The following MSRA variants were observed in gnomAD, a reference collection of about 807,000 sequenced individuals.
MSRA encodes the protein mitochondrial peptide methionine sulfoxide reductase.
A neutral mutation model predicts 31.3 loss-of-function variants in MSRA; 54 were observed. That is an observed-to-expected ratio of 1.73 (90% CI 1.39 to 2.17). MSRA has a LOEUF of 2.17. MSRA is among the 30% of genes most tolerant of loss of function. MSRA has a pLI of 0.00. For synonymous variants in MSRA, 169 were observed against 116.5 expected (o/e 1.45, Z -2.90); for missense variants, 507 against 300.9 (o/e 1.69, Z -5.07).
chr8:10,400,040 A>G (rs988553037), intron 5 of MSRA, among the ~76,000 whole-genome samples: 10 of 152,136 alleles, frequency 6.6e-5, no homozygotes, highest in African/African-American at 2.4e-4. Context: ...TTGTTTAGGG[A>G]CTAGCAGCCA....
chr8:10,228,595 G>A (rs904926183), intron 2 of MSRA, among the ~76,000 whole-genome samples: 5 of 152,200 alleles, frequency 3.3e-5, no homozygotes, highest in African/African-American at 7.2e-5. Flanking sequence ...ATCCGTAGTG[G>A]TCCACAGAGA....
At chr8:10,354,723 AGTTATGTAATATG>A (rs1804402296) in intron 5 of MSRA, among the ~76,000 whole-genome samples, 2 of 142,282 alleles carry the variant, frequency 1.4e-5, no homozygotes, top group East Asian at 4.1e-4. Context: ...TTTTCATACC[AGTTATGTAATATG>A]TGTGTGTGTG....
intron 1 of MSRA, among the ~76,000 whole-genome samples, chr8:10,158,213 A>G (rs1392148541): frequency 1.3e-5 from 2 of 152,248 alleles, no homozygotes; most frequent in Non-Finnish European, 2.9e-5. Context: ...CATTGTGAGG[A>G]AAGATGTCAA....
At chr8:10,263,996 T>A (rs75300332) in intron 3 of MSRA, among the ~76,000 whole-genome samples, 1 of 151,090 alleles carries the variant, frequency 6.6e-6, no homozygotes, top group Non-Finnish European at 1.5e-5. Flanking sequence ...CTTAAAAATA[T>A]TTTTTTTCAC....
chr8:10,266,757 A>G (rs1442267937), intron 3 of MSRA, among the ~76,000 whole-genome samples: 1 of 152,188 alleles, frequency 6.6e-6, no homozygotes, highest in East Asian at 1.9e-4. Context: ...ATATAGTGCA[A>G]GTCATTTGAC....
intron 5 of MSRA, among the ~76,000 whole-genome samples, chr8:10,408,372 AC>A (rs1169760950): frequency 6.6e-6 from 1 of 152,042 alleles, no homozygotes; most frequent in Non-Finnish European, 1.5e-5. Flanking sequence ...CCCTGTCTCT[AC>A]CAAAATTTTT....
intron 1 of MSRA, among the ~76,000 whole-genome samples, chr8:10,084,200 A>G (rs746187981): frequency 2.8e-4 from 42 of 152,256 alleles, no homozygotes; most frequent in African/African-American, 6.3e-4. Flanking sequence ...CCTCCTGAGG[A>G]TGGTGGTTTT....
intron 1 of MSRA, among the ~76,000 whole-genome samples, chr8:10,163,766 G>A (rs1249961664): frequency 1.3e-5 from 2 of 152,246 alleles, no homozygotes; most frequent in African/African-American, 4.8e-5. Context: ...GAGGATGGCT[G>A]GGGTAAGACC....
chr8:10,109,035 T>C (rs1302135529), intron 1 of MSRA, among the ~76,000 whole-genome samples: 1 of 152,222 alleles, frequency 6.6e-6, no homozygotes, highest in Non-Finnish European at 1.5e-5. Flanking sequence ...TTTTAAGTTT[T>C]TCAGTTCAAT....
At chr8:10,187,675 C>T (rs1396489800) in intron 1 of MSRA, among the ~76,000 whole-genome samples, 3 of 152,196 alleles carry the variant, frequency 2.0e-5, no homozygotes, top group East Asian at 1.9e-4. Context: ...TTACACTAAG[C>T]GTTACCGGCA....
intron 2 of MSRA, among the ~76,000 whole-genome samples, chr8:10,243,602 A>AT (rs1797454098): frequency 6.6e-6 from 1 of 152,124 alleles, no homozygotes; most frequent in Non-Finnish European, 1.5e-5. Flanking sequence ...AAAAATGTAA[A>AT]TTTTTTATTC....
chr8:10,108,675 ATTAGATTCTGTGCAGTCCT>A (rs965036382), intron 1 of MSRA, among the ~76,000 whole-genome samples: 1 of 152,214 alleles, frequency 6.6e-6, no homozygotes, highest in African/African-American at 2.4e-5. Flanking sequence ...GCTGTTTCCC[ATTAGATTCTGTGCAGTCCT>A]CACGAGGGGG....
intron 1 of MSRA, among the ~76,000 whole-genome samples, chr8:10,114,969 C>G (rs1329049395): frequency 1.3e-5 from 2 of 152,174 alleles, no homozygotes; most frequent in African/African-American, 4.8e-5. Flanking sequence ...ATGATAGGGA[C>G]TTATTTACCA....
At chr8:10,280,233 T>C (rs1425165103) in intron 3 of MSRA, among the ~76,000 whole-genome samples, 1 of 152,158 alleles carries the variant, frequency 6.6e-6, no homozygotes, top group East Asian at 1.9e-4. Context: ...TGAACCTTTC[T>C]ATAAAGTGTT....
intron 1 of MSRA, among the ~76,000 whole-genome samples, chr8:10,164,661 A>G (rs897175984): frequency 1.3e-5 from 2 of 152,208 alleles, no homozygotes; most frequent in African/African-American, 4.8e-5. Flanking sequence ...GCAGAGTATA[A>G]TGCCTAGGAC....
At chr8:10,192,104 C>T (rs755522304) in intron 1 of MSRA, among the ~76,000 whole-genome samples, 10 of 152,136 alleles carry the variant, frequency 6.6e-5, no homozygotes, top group Non-Finnish European at 1.5e-4. Flanking sequence ...GCTGGTTTCC[C>T]CCACAGCAAG....
chr8:10,099,968 T>A lies in MSRA; in HGVS notation c.142+45310T>A, dbSNP rs1799426294. Among the ~76,000 whole-genome samples, 2 of 152,122 alleles carry A rather than the reference T, an allele frequency of 1.3e-5. 1 individual carries two copies. Among genetic ancestry groups the A allele is most frequent in the South Asian group, 4.1e-4 (2 of 4,824 alleles). Reference sequence around the variant, plus strand: ...GCCCAGTGAGTTTAAAGTGTTTCTTTTGAGGGCAGGACAAAGGCAGAGGGG... The same window carrying A: ...GCCCAGTGAGTTTAAAGTGTTTCTTATGAGGGCAGGACAAAGGCAGAGGGG... On this transcript the variant is annotated intron_variant, in intron 1 of 5. Coordinates refer to ENST00000317173, the MANE Select transcript of MSRA (RefSeq NM_012331.5).
In MSRA at chr8:10,428,393, C is replaced by A; in HGVS notation, c.*81C>A. 2.1e-6 allele frequency: 3 copies of A among 1,463,406 alleles called. No homozygotes were observed. The highest frequency in any genetic ancestry group is 1.2e-5 in the South Asian group (1 of 82,214). 90.7% of individuals were successfully genotyped at this position (1,463,406 alleles called of 1,614,324 possible). A position where few individuals can be genotyped will look rare whatever the true frequency, so the allele number is the denominator to read the frequency against. On this transcript the variant is annotated 3_prime_UTR_variant, in exon 6 of 6. Transcript: ENST00000317173. Reference sequence around the variant, plus strand: ...GGGCAATGCTTGTGTGATTCACAATCGTGGCATTTAAAGTGCACAAAGTAC... The same window carrying A: ...GGGCAATGCTTGTGTGATTCACAATAGTGGCATTTAAAGTGCACAAAGTAC...
At chr8:10,191,365 C>T (rs989632973) in intron 1 of MSRA, among the ~76,000 whole-genome samples, 1 of 152,126 alleles carries the variant, frequency 6.6e-6, no homozygotes, top group Non-Finnish European at 1.5e-5. Flanking sequence ...TTGGCATTAA[C>T]TTAAATTTAG....
Sources: gnomAD v4.1 joint callset for allele counts (sites outside exome capture counted in the v4.1 genomes callset) on GRCh38, gnomAD v4.1.1 for gene constraint, MANE v1.5 for transcripts, NCBI Gene and HGNC (gene_info 2026-07-23, HGNC 2026-07-21) for gene names.